Variants in NCOR1 observed in about 807,000 individuals in gnomAD.
NCOR1 encodes the protein nuclear receptor corepressor 1.
Under a neutral mutation model 288.1 loss-of-function variants are expected in NCOR1, and 63 were observed. The ratio of observed to expected loss-of-function variants is 0.22; its 90% CI spans 0.18 to 0.27. The LOEUF (loss-of-function observed/expected upper bound fraction) is 0.27. NCOR1 is among the 10% of genes least tolerant of loss of function. NCOR1 has a pLI of 1.00. For synonymous variants in NCOR1, 1,007 were observed against 1,065.9 expected (o/e 0.94, Z 1.08); for missense variants, 2,397 against 3,019.2 (o/e 0.79, Z 4.83).
chr17:16,212,555 C>T (rs1330311408), intron 1 of NCOR1, among the ~76,000 whole-genome samples: 1 of 152,106 alleles, frequency 6.6e-6, no homozygotes, highest in Non-Finnish European at 1.5e-5. Context: ...ACTAAATATG[C>T]AAGAGTTCCA....
intron 35 of NCOR1, among the ~76,000 whole-genome samples, chr17:16,062,862 T>C (rs886741580): frequency 1.3e-5 from 2 of 152,208 alleles, no homozygotes; most frequent in African/African-American, 4.8e-5. Context: ...ATTACACTTC[T>C]ACAATATTTG....
rs1298933420 is a variant in NCOR1, at chr17:16,092,679, ATATATATATATATATATTTTTTTTTTT to A, written c.2821-648_2821-622del. Among the ~76,000 whole-genome samples the A allele has an allele frequency of 1.1e-4, 2 of 18,680 alleles. 1 individual carries two copies. The highest frequency in any genetic ancestry group is 5.7e-4 in the African/African-American group (2 of 3,488). 12.3% of individuals were successfully genotyped at this position (18,680 alleles called of 152,430 possible). The stretch of plus-strand genomic sequence containing the variant: ...TATATATATATATATATATATATAT[ATATATATATATATATATTTTTTTTTTT>A]TTTTTTTTTTAAGACATAGTCTCAC... On this transcript the variant is annotated intron_variant, in intron 21 of 45. Transcript: ENST00000268712.
At chr17:16,122,364 C>T (rs1474024437) in intron 15 of NCOR1, among the ~76,000 whole-genome samples, 1 of 152,170 alleles carries the variant, frequency 6.6e-6, no homozygotes, top group African/African-American at 2.4e-5. Context: ...ACAACATAGT[C>T]CTTTCCCTTT....
chr17:16,050,412 G>A (rs770019835), intron 40 of NCOR1, among the ~76,000 whole-genome samples: 8 of 151,930 alleles, frequency 5.3e-5, no homozygotes, highest in East Asian at 1.9e-4. Flanking sequence ...TATTAGAGAC[G>A]GGGATTCACC....
chr17:16,072,283 C>A, intron 28 of NCOR1, 55 bp from the exon 29 acceptor site: 2 of 1,302,684 alleles, frequency 1.5e-6, no homozygotes, highest in Admixed American at 1.9e-5. Context: ...TGTCAACTCA[C>A]ATATACTGAA....
intron 11 of NCOR1, 48 bp from the exon 12 acceptor site, chr17:16,139,234 T>A: frequency 6.5e-7 from 1 of 1,529,848 alleles, no homozygotes; most frequent in Non-Finnish European, 8.9e-7. Flanking sequence ...AACTAGAAAT[T>A]TAAGGAGGGC....
At chr17:16,075,182 A>G (rs959533513) in intron 27 of NCOR1, among the ~76,000 whole-genome samples, 1 of 152,028 alleles carries the variant, frequency 6.6e-6, no homozygotes, top group Non-Finnish European at 1.5e-5. Context: ...CAGCCTATCT[A>G]CCCTCTAATT....
intron 37 of NCOR1, among the ~76,000 whole-genome samples, chr17:16,060,962 C>T (rs1294803324): frequency 6.6e-6 from 1 of 152,104 alleles, no homozygotes; most frequent in Non-Finnish European, 1.5e-5. Context: ...ATATAAATAC[C>T]AATCACCAAT....
At chr17:16,036,474 C>T (rs2151902548) in intron 44 of NCOR1, among the ~76,000 whole-genome samples, 1 of 152,300 alleles carries the variant, frequency 6.6e-6, no homozygotes, top group East Asian at 1.9e-4. Context: ...GAGAGTCAGC[C>T]TGTCTTTTGA....
At position 16,071,553 on chromosome 17, in the gene NCOR1, T is replaced by A; in HGVS notation, c.4008A>T (p.Lys1336Asn). 6.2e-7 allele frequency: 1 copy of A among 1,614,104 alleles called. No individual in the cohort carries two copies. Among genetic ancestry groups the A allele is most frequent in the Non-Finnish European group, 8.5e-7 (1 of 1,180,014 alleles). The change falls in exon 30 of 46, where the codon AAA (lysine) becomes AAT (asparagine). Residue 1336 changes from lysine (K) to asparagine (N), a missense_variant. By Grantham distance (94) the Lys-to-Asn change is moderately conservative. Around this residue, in one of 11 missense-constraint regions of NCOR1, gnomAD observed 1,872 missense variants for 2,187.8 expected, o/e 0.86. Coordinates refer to ENST00000268712, the MANE Select transcript of NCOR1 (RefSeq NM_006311.4). ...RAFEGAITKG[K>N]PYDGITTIKE... ...TGATGGTGGTGATGCCATCATATGG[T>A]TTTCCTTTGGTAATGGCACCTTCAA...
intron 3 of NCOR1, 38 bp from the exon 4 acceptor site, chr17:16,172,033 T>A: frequency 6.8e-7 from 1 of 1,477,170 alleles, no homozygotes; most frequent in Non-Finnish European, 9.1e-7. Flanking sequence ...TGAAAATTTG[T>A]AAGTGATGTA....
At chr17:16,134,196 T>A (rs1203548744) in intron 14 of NCOR1, among the ~76,000 whole-genome samples, 1 of 152,154 alleles carries the variant, frequency 6.6e-6, no homozygotes, top group Admixed American at 6.5e-5. Context: ...AAGCTGCCCC[T>A]CTATTTTGAC....
chr17:16,203,946 T>C (rs1199995567), intron 1 of NCOR1, among the ~76,000 whole-genome samples: 4 of 152,194 alleles, frequency 2.6e-5, no homozygotes, highest in African/African-American at 9.7e-5. Flanking sequence ...TGATTTCTTT[T>C]TGAATGTCAC....
At chr17:16,102,460 T>C (rs986344537) in intron 19 of NCOR1, among the ~76,000 whole-genome samples, 19 of 152,142 alleles carry the variant, frequency 1.2e-4, no homozygotes. Context: ...TTTTGTAGAA[T>C]TTATTTAATT....
At chr17:16,042,686 G>C (rs554375794) in intron 42 of NCOR1, among the ~76,000 whole-genome samples, 2 of 152,346 alleles carry the variant, frequency 1.3e-5, no homozygotes, top group African/African-American at 4.8e-5. Context: ...AGGAGGAGCT[G>C]ACTCCCATCA....
chr17:16,182,080 CAG>C (rs1336290777), intron 3 of NCOR1, among the ~76,000 whole-genome samples: 4 of 152,100 alleles, frequency 2.6e-5, no homozygotes, highest in Admixed American at 1.3e-4. Context: ...GGAAGGCACT[CAG>C]AGAATTAAGC....
intron 15 of NCOR1, 46 bp downstream of exon 15, chr17:16,126,036 T>A (rs540124693): frequency 1.0e-6 from 1 of 961,242 alleles, no homozygotes; most frequent in Non-Finnish European, 1.5e-6. Context: ...AAAAATAAAA[T>A]AAAAATAAAC....
At chr17:16,145,019 C>T (rs1468345688) in intron 10 of NCOR1, among the ~76,000 whole-genome samples, 2 of 152,268 alleles carry the variant, frequency 1.3e-5, no homozygotes, top group Non-Finnish European at 2.9e-5. Flanking sequence ...GCCTGATTCT[C>T]CTGCCTCGTG....
chr17:16,179,973 A>C (rs997996949), intron 3 of NCOR1, among the ~76,000 whole-genome samples: 3 of 151,670 alleles, frequency 2.0e-5, no homozygotes, highest in East Asian at 1.9e-4. Flanking sequence ...AAAAAAAAAA[A>C]AAAAAACAAA....
Sources: gnomAD v4.1 joint callset for allele counts (sites outside exome capture counted in the v4.1 genomes callset) on GRCh38, gnomAD v4.1.1 for gene constraint, gnomAD v4.1.1 regional missense constraint, MANE v1.5 for transcripts, NCBI Gene and HGNC (gene_info 2026-07-23, HGNC 2026-07-21) for gene names.